Variants in PSTPIP1 observed in about 807,000 individuals in gnomAD.
The protein encoded by PSTPIP1 is proline-serine-threonine phosphatase interacting protein 1.
PSTPIP1 carries 66 observed loss-of-function variants against 69.6 expected under a neutral mutation model. The observed-to-expected ratio is 0.95, with a 90% CI of 0.78 to 1.16. The LOEUF is 1.16. Ranked by LOEUF, PSTPIP1 falls within the 50% of genes most tolerant of loss-of-function variation. PSTPIP1 has a pLI of 0.00. For synonymous variants in PSTPIP1, 266 were observed against 222.7 expected (o/e 1.19, Z -1.73); for missense variants, 603 against 557.4 (o/e 1.08, Z -0.82).
At chr15:77,028,439 C>T in intron 6 of PSTPIP1, 115 bp from the exon 7 acceptor site, 1 of 853,802 alleles carries the variant, frequency 1.2e-6, no homozygotes, top group South Asian at 1.9e-5. Flanking sequence ...GATGCCCCCA[C>T]TCCACCCGCA....
At chr15:77,025,364 G>A (rs2076255255) in intron 4 of PSTPIP1, 46 bp downstream of exon 4, 4 of 1,586,976 alleles carry the variant, frequency 2.5e-6, no homozygotes, top group African/African-American at 1.3e-5. Context: ...GGACTGCGAG[G>A]CTGGTGGAGG....
chr15:77,018,010 T>A (rs192240509), intron 1 of PSTPIP1, 138 bp from the exon 2 acceptor site: 1 of 779,048 alleles, frequency 1.3e-6, no homozygotes, highest in Non-Finnish European at 2.1e-6. Flanking sequence ...AGGTCTGGAG[T>A]CCCAAGAGCT....
At chr15:77,035,739 G>C in intron 13 of PSTPIP1, 63 bp from the exon 14 acceptor site, 3 of 1,530,900 alleles carry the variant, frequency 2.0e-6, no homozygotes, top group Non-Finnish European at 2.6e-6. Context: ...CCCCATTCTA[G>C]TAGGACTTCC....
chr15:77,003,290 A>G (rs1188766431), intron 1 of PSTPIP1, among the ~76,000 whole-genome samples: 3 of 152,096 alleles, frequency 2.0e-5, no homozygotes, highest in African/African-American at 7.2e-5. Flanking sequence ...GCTAGAGAGC[A>G]TGATGCCCTG....
Position 77,037,469 on chromosome 15 carries a change from A to G in PSTPIP1, c.*293A>G, listed in dbSNP as rs1283041823. On this transcript the variant is annotated 3_prime_UTR_variant, in exon 15 of 15. Transcript: ENST00000558012. Reference sequence around the variant, plus strand: ...CAGCCGAGGCTTCAGCTATAGTTGGAGAAGAGGCCTGGCCCCAGTTGCTAG... The same window carrying G: ...CAGCCGAGGCTTCAGCTATAGTTGGGGAAGAGGCCTGGCCCCAGTTGCTAG... The G allele has an allele frequency of 2.8e-5, 9 of 316,908 alleles. No homozygotes were observed. Among genetic ancestry groups the G allele is most frequent in the Non-Finnish European group, 4.9e-5 (8 of 164,258 alleles). The allele number at this position is 316,908 out of a possible 1,614,324, so 19.6% of individuals were successfully genotyped here.
Position 77,031,227 on chromosome 15 carries a change from C to T in PSTPIP1, c.690C>T (p.Ala230=). The change falls in exon 10 of 15, where the codon GCC becomes GCT. Residue 230 remains alanine, a synonymous_variant. Coordinates refer to ENST00000558012, the MANE Select transcript of PSTPIP1 (RefSeq NM_003978.5). Reference sequence around the variant, plus strand: ...ACCGGCTGACCATTCTCCGCAACGCCCTGTGGGTGCACAGCAACCAGCTCT... The same window carrying T: ...ACCGGCTGACCATTCTCCGCAACGCTCTGTGGGTGCACAGCAACCAGCTCT... ...EFDRLTILRN[A]LWVHSNQLSM... 1 of 1,613,188 alleles carries T rather than the reference C, an allele frequency of 6.2e-7. No homozygotes were observed. The highest frequency in any genetic ancestry group is 8.5e-7 in the Non-Finnish European group (1 of 1,179,720).
chr15:76,999,078 A>G lies in PSTPIP1; in HGVS notation c.36+3469A>G, dbSNP rs933937524. Among the ~76,000 whole-genome samples, 3 of 152,128 alleles carry G rather than the reference A, an allele frequency of 2.0e-5. No homozygotes were observed. In the East Asian group the frequency reaches 5.8e-4, roughly 29 times the overall value. On this transcript the variant is annotated intron_variant, in intron 1 of 14. Transcript: ENST00000558012. Reference sequence around the variant, plus strand: ...AAGGCGCTGGGAAGCCCAGAGAAGGAAGGGTCCTCCCCCTGCCCCCAGTTT... The same window carrying G: ...AAGGCGCTGGGAAGCCCAGAGAAGGGAGGGTCCTCCCCCTGCCCCCAGTTT...
At position 77,037,262 on chromosome 15, in the gene PSTPIP1, A is replaced by G; in HGVS notation, c.*86A>G. On this transcript the variant is annotated 3_prime_UTR_variant, in exon 15 of 15. Coordinates refer to ENST00000558012, the MANE Select transcript of PSTPIP1 (RefSeq NM_003978.5). ...CTGTCCCCACCTTGCTAGGGCCCAG[A>G]ACCAAGCGTCCCCCAGCCCCGAGAG... The G allele has an allele frequency of 1.3e-6, 2 of 1,495,194 alleles. No individual in the cohort carries two copies. Among genetic ancestry groups the G allele is most frequent in the African/African-American group, 1.4e-5 (1 of 71,782 alleles). The allele number at this position is 1,495,194 out of a possible 1,614,324, so 92.6% of individuals were successfully genotyped here.
At chr15:77,031,384 C>A in intron 10 of PSTPIP1, 106 bp downstream of exon 10, 1 of 1,253,290 alleles carries the variant, frequency 8.0e-7, no homozygotes, top group Non-Finnish European at 1.1e-6. Flanking sequence ...CTCTGTGATC[C>A]AAGCCTGGCC....
intron 3 of PSTPIP1, among the ~76,000 whole-genome samples, chr15:77,023,128 A>ATGAACC (rs1178573600): frequency 6.6e-6 from 1 of 152,252 alleles, no homozygotes; most frequent in East Asian, 1.9e-4. Flanking sequence ...GCCTGAGACC[A>ATGAACC]TGAACCGGGG....
In PSTPIP1 at chr15:77,035,551, G is replaced by T. The variant is rs1269915936; in HGVS notation, c.973G>T (p.Ala325Ser). 6.3e-7 allele frequency: 1 copy of T among 1,585,068 alleles called. No individual in the cohort carries two copies. The highest frequency in any genetic ancestry group is 8.6e-7 in the Non-Finnish European group (1 of 1,166,244). The change falls in exon 13 of 15, where the codon GCA becomes TCA. Residue 325 changes from alanine (A) to serine (S), a missense_variant. Ala to Ser is a moderately conservative substitution (Grantham distance 99). Coordinates refer to ENST00000558012, the MANE Select transcript of PSTPIP1 (RefSeq NM_003978.5). ...CGGAAGTCCCAAGACCACTTCGTTG[G>T]CAGCTTCTGCTGGTAAAGGGGGTCA... ...LHGSPKTTSL[A>S]ASAASTETLT...
intron 14 of PSTPIP1, among the ~76,000 whole-genome samples, chr15:77,036,536 C>G (rs2152692506): frequency 6.6e-6 from 1 of 152,264 alleles, no homozygotes; most frequent in South Asian, 2.1e-4. Context: ...GAATGCATAG[C>G]CAGACCTCAC....
chr15:77,033,074 C>T (rs1281242190), intron 12 of PSTPIP1, 122 bp downstream of exon 12: 1 of 998,866 alleles, frequency 1.0e-6, no homozygotes, highest in Non-Finnish European at 1.5e-6. Flanking sequence ...ATCTGGTGCC[C>T]AGTTTAGGTG....
chr15:77,029,206 G>T (rs2076356465), intron 7 of PSTPIP1, among the ~76,000 whole-genome samples: 1 of 152,242 alleles, frequency 6.6e-6, no homozygotes, highest in South Asian at 2.1e-4. Flanking sequence ...CTGAGGGTGA[G>T]CTGGGGGCAG....
rs149668347 is a variant in PSTPIP1, at chr15:76,995,149, G to GCTGCCGGGCTGCCTGCCTGC, written c.-420_-419insGGGCTGCCTGCCTGCCTGCC. Reference sequence around the variant, plus strand: ...ACAAACCTTCCTGCGCAGGCCTCGGGCTGCCTGCCTGCCTGCCTGCCTGGC... The same window carrying GCTGCCGGGCTGCCTGCCTGC: ...ACAAACCTTCCTGCGCAGGCCTCGGGCTGCCGGGCTGCCTGCCTGCCTGCCTGCCTGCCTGCCTGCCTGGC... On this transcript the variant is annotated 5_prime_UTR_variant, in exon 1 of 15. Transcript: ENST00000558012. 2 of 1,170,574 alleles carry GCTGCCGGGCTGCCTGCCTGC rather than the reference G, an allele frequency of 1.7e-6. No individual in the cohort carries two copies. The highest frequency in any genetic ancestry group is 2.1e-6 in the Non-Finnish European group (2 of 933,620). 72.5% of individuals were successfully genotyped at this position (1,170,574 alleles called of 1,614,324 possible). A position where few individuals can be genotyped will look rare whatever the true frequency, so the allele number is the denominator to read the frequency against.
chr15:77,034,179 G>A (rs948703023), intron 12 of PSTPIP1, among the ~76,000 whole-genome samples: 3 of 109,488 alleles, frequency 2.7e-5, no homozygotes, highest in Non-Finnish European at 3.7e-5. Context: ...CAGAAGTGTA[G>A]ACAGTCTGGG....
At chr15:77,036,138 A>T (rs920063712) in intron 14 of PSTPIP1, among the ~76,000 whole-genome samples, 1 of 152,176 alleles carries the variant, frequency 6.6e-6, no homozygotes, top group Non-Finnish European at 1.5e-5. Flanking sequence ...GTGAGCTCTG[A>T]GAACAGCACC....
intron 8 of PSTPIP1, 95 bp downstream of exon 8, chr15:77,029,669 CT>C: frequency 7.4e-7 from 1 of 1,356,830 alleles, no homozygotes. Context: ...CACACTCCCC[CT>C]GGCTGCACAA....
Position 77,032,843 on chromosome 15 carries a change from C to A in PSTPIP1, c.839-19C>A. On this transcript the variant is annotated intron_variant, in intron 11 of 14. Transcript: ENST00000558012. ...GGGTGTTGGGGGCCGCCCTGGGGCT[C>A]ACGGCTTGCTGTCTGCAGCTCCGGT... is the stretch of plus-strand genomic sequence containing the variant. The A allele has an allele frequency of 5.2e-6, 8 of 1,553,032 alleles. No individual in the cohort carries two copies. Among genetic ancestry groups the A allele is most frequent in the Non-Finnish European group, 7.0e-6 (8 of 1,147,634 alleles).
Sources: allele counts gnomAD v4.1 joint callset (sites outside exome capture counted in the v4.1 genomes callset), GRCh38; gene constraint gnomAD v4.1.1; transcripts MANE v1.5; gene names NCBI Gene and HGNC (gene_info 2026-07-23, HGNC 2026-07-21).